Variants in APP observed in about 807,000 individuals in gnomAD.
APP encodes amyloid beta precursor protein, also known as amyloid-beta precursor protein.
A neutral mutation model predicts 101.4 loss-of-function variants in APP; 31 were observed. That is an observed-to-expected ratio of 0.31 (90% CI 0.23 to 0.41). The LOEUF (loss-of-function observed/expected upper bound fraction) is 0.41, where lower values mean the gene tolerates loss of function less well. Ranked by LOEUF, APP falls within the 10% of genes least tolerant of loss-of-function variation. APP has a pLI of 1.00. For missense variants in APP, 839 were observed against 1,003.7 expected (o/e 0.84, Z 2.22); for synonymous variants, 366 against 364.4 (o/e 1.00, Z -0.05).
chr21:26,094,496 T>C (rs1447218399), intron 2 of APP, among the ~76,000 whole-genome samples: 2 of 151,680 alleles, frequency 1.3e-5, no homozygotes, highest in East Asian at 1.9e-4. Flanking sequence ...TAGGTTTTTA[T>C]TAAATAACCC....
chr21:26,145,011 A>AAT (rs1223574770), intron 1 of APP, among the ~76,000 whole-genome samples: 5 of 152,226 alleles, frequency 3.3e-5, no homozygotes, highest in African/African-American at 1.2e-4. Flanking sequence ...TCAACTTTAT[A>AAT]AAAGTAATGT....
chr21:25,883,140 C>T (rs1388461449), intron 17 of APP, among the ~76,000 whole-genome samples: 1 of 152,216 alleles, frequency 6.6e-6, no homozygotes, highest in Non-Finnish European at 1.5e-5. Flanking sequence ...CAGTGGCTCA[C>T]TCCTGTAATC....
intron 16 of APP, among the ~76,000 whole-genome samples, chr21:25,895,986 AG>A (rs1390174956): frequency 6.6e-6 from 1 of 152,218 alleles, no homozygotes; most frequent in East Asian, 1.9e-4. Context: ...GTCGCATTAT[AG>A]GCGTTAGTGT....
chr21:26,020,748 C>A (rs964664019), intron 6 of APP, among the ~76,000 whole-genome samples: 1 of 152,166 alleles, frequency 6.6e-6, no homozygotes. Flanking sequence ...CTTTAAGGAA[C>A]AAATGCATAC....
chr21:25,956,734 G>A (rs559340220), intron 11 of APP, among the ~76,000 whole-genome samples: 2 of 152,282 alleles, frequency 1.3e-5, no homozygotes, highest in South Asian at 4.2e-4. Context: ...TGGTGGTGGG[G>A]CGGGTGGTAA....
At chr21:25,994,644 C>G (rs2042985819) in intron 8 of APP, among the ~76,000 whole-genome samples, 1 of 152,174 alleles carries the variant, frequency 6.6e-6, no homozygotes, top group African/African-American at 2.4e-5. Flanking sequence ...ACTGAGCAAC[C>G]TGTAAAACCA....
intron 1 of APP, among the ~76,000 whole-genome samples, chr21:26,157,044 G>A (rs1053585300): frequency 6.6e-6 from 1 of 152,038 alleles, no homozygotes. Flanking sequence ...TTAAAGACAT[G>A]CCAAGATTTA....
intron 8 of APP, among the ~76,000 whole-genome samples, chr21:25,990,106 C>G (rs559063076): frequency 7.4e-6 from 1 of 134,830 alleles, no homozygotes; most frequent in East Asian, 2.2e-4. Context: ...AAAATAACAA[C>G]AAAAGAAAAA....
chr21:26,119,685 AACACAC>A (rs5843212), intron 1 of APP, among the ~76,000 whole-genome samples: 4 of 150,324 alleles, frequency 2.7e-5, no homozygotes, highest in African/African-American at 4.9e-5. Flanking sequence ...TGCTAGAATG[AACACAC>A]ACACACACAC....
At chr21:26,012,975 C>CAACAAAACAAAACAAAACAA (rs146168082) in intron 6 of APP, among the ~76,000 whole-genome samples, 46 of 147,826 alleles carry the variant, frequency 3.1e-4, no homozygotes, top group Middle Eastern at 3.4e-3. Flanking sequence ...GACTCCATGT[C>CAACAAAACAAAACAAAACAA]AACAAAACAA....
intron 1 of APP, among the ~76,000 whole-genome samples, chr21:26,120,469 T>C (rs2062540947): frequency 6.6e-6 from 1 of 152,188 alleles, no homozygotes; most frequent in African/African-American, 2.4e-5. Context: ...TATTTTATAT[T>C]TAATGTATTA....
At chr21:26,153,081 G>A (rs899347409) in intron 1 of APP, among the ~76,000 whole-genome samples, 2 of 152,122 alleles carry the variant, frequency 1.3e-5, no homozygotes, top group African/African-American at 4.8e-5. Context: ...CTTATAAGTG[G>A]GAACTAAGTT....
chr21:26,090,680 C>G (rs950457757), intron 2 of APP, among the ~76,000 whole-genome samples: 1 of 152,152 alleles, frequency 6.6e-6, no homozygotes, highest in African/African-American at 2.4e-5. Flanking sequence ...ATGTCCTAAA[C>G]AAACGTTACA....
At chr21:26,167,268 G>A (rs1601611562) in intron 1 of APP, among the ~76,000 whole-genome samples, 1 of 152,264 alleles carries the variant, frequency 6.6e-6, no homozygotes, top group South Asian at 2.1e-4. Context: ...GGAGGGAGGA[G>A]GGAAGGGGAG....
At chr21:25,928,431 A>AAC (rs1219573323) in intron 13 of APP, among the ~76,000 whole-genome samples, 3 of 151,926 alleles carry the variant, frequency 2.0e-5, no homozygotes, top group Admixed American at 6.6e-5. Flanking sequence ...TTAAGATTAC[A>AAC]ACACACACAC....
At chr21:26,003,076 T>C (rs1002173421) in intron 6 of APP, among the ~76,000 whole-genome samples, 6 of 152,240 alleles carry the variant, frequency 3.9e-5, no homozygotes, top group Non-Finnish European at 8.8e-5. Context: ...TATTAACATT[T>C]TCCTATACCA....
At chr21:25,911,176 A>T (rs1057087950) in intron 14 of APP, among the ~76,000 whole-genome samples, 1 of 152,236 alleles carries the variant, frequency 6.6e-6, no homozygotes, top group Non-Finnish European at 1.5e-5. Flanking sequence ...TCATAAACAT[A>T]ATAATATGAT....
chr21:25,898,469 C>T (rs2038227710), intron 15 of APP, among the ~76,000 whole-genome samples: 1 of 152,058 alleles, frequency 6.6e-6, no homozygotes, highest in Non-Finnish European at 1.5e-5. Context: ...TGTCAGTGTC[C>T]ATGCTATAAC....
chr21:26,109,437 GC>G (rs1159185992), intron 2 of APP, among the ~76,000 whole-genome samples: 2 of 152,132 alleles, frequency 1.3e-5, no homozygotes, highest in Non-Finnish European at 2.9e-5. Context: ...TCTTGCTCTG[GC>G]CATGTGAACA....
Sources: gnomAD v4.1 joint callset for allele counts (sites outside exome capture counted in the v4.1 genomes callset) on GRCh38, gnomAD v4.1.1 for gene constraint, MANE v1.5 for transcripts, NCBI Gene and HGNC (gene_info 2026-07-23, HGNC 2026-07-21) for gene names.